LTN1: variants seen among roughly 807,000 people sequenced by gnomAD.
LTN1 encodes listerin E3 ubiquitin protein ligase 1, also known as E3 ubiquitin-protein ligase listerin.
A neutral mutation model predicts 201.2 loss-of-function variants in LTN1; 88 were observed. The ratio of observed to expected loss-of-function variants is 0.44; its 90% confidence interval spans 0.37 to 0.52. The LOEUF (loss-of-function observed/expected upper bound fraction) is 0.52, where lower values mean the gene tolerates loss of function less well. LTN1 is among the 20% of genes least tolerant of loss of function. LTN1 has a pLI of 0.00. For missense variants in LTN1, 1,752 were observed against 2,038.7 expected (o/e 0.86, Z 2.71); for synonymous variants, 645 against 713.5 (o/e 0.90, Z 1.53).
chr21:28,984,836 T>C lies in LTN1; in HGVS notation c.432A>G (p.Leu144=). 6.2e-7 allele frequency: 1 copy of C among 1,614,160 alleles called. No homozygotes were observed. Among genetic ancestry groups the C allele is most frequent in the African/African-American group, 1.3e-5 (1 of 75,054 alleles). ...TTAGCCAATATCCCATTAAACTTTT[T>C]AAGTAGGGAGCCAACTGTTTCTTTA... ...LKVKKQLAPY[L]KSLMGYWLMA... Residue 144 remains leucine, a synonymous_variant, in exon 4 of 30, where the codon TTA becomes TTG. Transcript: ENST00000361371.
intron 13 of LTN1, among the ~76,000 whole-genome samples, chr21:28,958,877 G>C (rs2084449340): frequency 6.6e-6 from 1 of 151,712 alleles, no homozygotes. Context: ...ATTTAAGAAA[G>C]GGTTGGTAGC....
In LTN1 at chr21:28,957,324, C is replaced by A. The variant is rs2146286403; in HGVS notation, c.2892+8G>T. 6.4e-7 allele frequency: 1 copy of A among 1,572,514 alleles called. No individual in the cohort carries two copies. The highest frequency in any genetic ancestry group is 8.6e-7 in the Non-Finnish European group (1 of 1,165,798). On this transcript the variant is annotated splice_region_variant and intron_variant, in intron 15 of 29. Transcript: ENST00000361371. Reference sequence around the variant, plus strand: ...AATGAGATATGTACTCTTCAATTTCCAAAATACCTGCATAGGAAGAGACTG... The same window carrying A: ...AATGAGATATGTACTCTTCAATTTCAAAAATACCTGCATAGGAAGAGACTG...
At position 28,936,627 on chromosome 21, in the gene LTN1, C is replaced by G. The variant is rs752869314; in HGVS notation, c.4553G>C (p.Arg1518Thr). The G allele has an allele frequency of 6.2e-7, 1 of 1,613,976 alleles. No individual in the cohort carries two copies. Among genetic ancestry groups the G allele is most frequent in the Non-Finnish European group, 8.5e-7 (1 of 1,179,914 alleles). The change falls in exon 26 of 30, where the codon AGG becomes ACG. Residue 1518 changes from arginine to threonine, a missense_variant. By Grantham distance (71) the Arg-to-Thr change is moderately conservative. Transcript: ENST00000361371. ...ATAGGTTGGATTTTCTGGCATAAGC[C>G]TGAACAGGTGATAGAGCAATTTATT... is the stretch of plus-strand genomic sequence containing the variant. ...SLNKLLYHLFRLMPENPTYAE... is the reference protein window; with the variant it reads ...SLNKLLYHLFTLMPENPTYAE...
chr21:28,966,673 AT>A lies in LTN1; in HGVS notation c.1817del (p.Asn606MetfsTer9). On this transcript the variant is annotated frameshift_variant, in exon 10 of 30. Transcript: ENST00000361371. LOFTEE classifies it high-confidence loss of function. ...KLADISINYV[N>X]ERKSEQHLRF... Reference sequence around the variant, plus strand: ...TTAGATGTTGCTCTGACTTTCGTTCATTGACATAATTAATACTTATATCTGC... The same window carrying A: ...TTAGATGTTGCTCTGACTTTCGTTCATGACATAATTAATACTTATATCTGC... 1 of 1,614,042 alleles carries A rather than the reference AT, an allele frequency of 6.2e-7. No homozygotes were observed. The highest frequency in any genetic ancestry group is 8.5e-7 in the Non-Finnish European group (1 of 1,180,006).
At chr21:28,964,583 T>C (rs1323236842) in intron 11 of LTN1, 2 of 1,534,310 alleles carry the variant, frequency 1.3e-6, no homozygotes, top group Admixed American at 4.0e-5. Context: ...TTACGATGTC[T>C]CTGAGATATG....
chr21:28,939,914 G>C (rs1415224822), intron 25 of LTN1, among the ~76,000 whole-genome samples: 1 of 152,172 alleles, frequency 6.6e-6, no homozygotes, highest in African/African-American at 2.4e-5. Context: ...CTATTTAACA[G>C]CTAGATCAAT....
intron 12 of LTN1, 78 bp downstream of exon 12, chr21:28,960,439 A>C: frequency 8.7e-7 from 1 of 1,148,872 alleles, no homozygotes; most frequent in Non-Finnish European, 1.2e-6. Context: ...ATAACACATA[A>C]GCTGAGCCCC....
At chr21:28,932,795 G>T in intron 27 of LTN1, 131 bp from the exon 28 acceptor site, 1 of 591,588 alleles carries the variant, frequency 1.7e-6, no homozygotes, top group Non-Finnish European at 2.9e-6. Context: ...TCACTTATCT[G>T]ACATGAGATA....
At chr21:28,935,648 G>A (rs888223787) in intron 26 of LTN1, among the ~76,000 whole-genome samples, 2 of 152,046 alleles carry the variant, frequency 1.3e-5, no homozygotes, top group Non-Finnish European at 2.9e-5. Flanking sequence ...AGACCATCCT[G>A]GCTAAAACGG....
chr21:28,980,275 C>A (rs564099179), intron 6 of LTN1, among the ~76,000 whole-genome samples: 2 of 150,926 alleles, frequency 1.3e-5, no homozygotes, highest in Non-Finnish European at 2.9e-5. Context: ...GAGTTAGATA[C>A]GCTTTATCCA....
At chr21:28,987,418 C>T (rs1489124170) in intron 1 of LTN1, among the ~76,000 whole-genome samples, 2 of 152,086 alleles carry the variant, frequency 1.3e-5, no homozygotes, top group Non-Finnish European at 2.9e-5. Context: ...ATTAAATGAA[C>T]AAATATTTAT....
Position 28,969,499 on chromosome 21 carries a change from C to T in LTN1, c.1278G>A (p.Glu426=). The T allele has an allele frequency of 6.2e-7, 1 of 1,612,810 alleles. No individual in the cohort carries two copies. The highest frequency in any genetic ancestry group is 8.5e-7 in the Non-Finnish European group (1 of 1,179,696). ...LRFIMQQNLG[E]EEIEQMLVND... is the part of the protein sequence containing the mutation. ...TGACGAGCATCTGTTCAATCTCTTC[C>T]TCACCTAAGTTTTGCTGCATTATAA... The change falls in exon 9 of 30, where the codon GAG becomes GAA. Residue 426 remains glutamate (E), a synonymous_variant. Transcript: ENST00000361371.
rs2084699782 is a variant in LTN1 at position 28,986,507 on chromosome 21, A to G, written c.246+224T>C. On this transcript the variant is annotated intron_variant, in intron 2 of 29. Transcript: ENST00000361371. The surrounding 1 kb of genome is among the most constrained non-coding windows in gnomAD (Gnocchi z 4.1). ...CATTCCCTAATGGGAAAAACTATACAGCCAAAATTCCAAAGCACTTTAAAA... is the reference window on the plus strand; with the variant it reads ...CATTCCCTAATGGGAAAAACTATACGGCCAAAATTCCAAAGCACTTTAAAA... 1.5e-6 allele frequency: 1 copy of G among 656,322 alleles called. No homozygotes were observed. Among genetic ancestry groups the G allele is most frequent in the South Asian group, 1.7e-5 (1 of 59,208 alleles). 40.7% of individuals were successfully genotyped at this position (656,322 alleles called of 1,614,324 possible).
chr21:28,956,379 T>C (rs967746842), intron 16 of LTN1, among the ~76,000 whole-genome samples: 1 of 152,184 alleles, frequency 6.6e-6, no homozygotes, highest in Non-Finnish European at 1.5e-5. Context: ...ATGTACCCCA[T>C]AAATATGTAA....
At chr21:28,947,151 C>T (rs2084344028) in intron 19 of LTN1, among the ~76,000 whole-genome samples, 1 of 152,158 alleles carries the variant, frequency 6.6e-6, no homozygotes, top group African/African-American at 2.4e-5. Context: ...TTAAATACAA[C>T]AGACGCTATT....
chr21:28,935,509 A>C (rs1234646553), intron 26 of LTN1, among the ~76,000 whole-genome samples, 180 bp from the exon 27 acceptor site: 1 of 152,194 alleles, frequency 6.6e-6, no homozygotes, highest in East Asian at 1.9e-4. Context: ...CCACACATTC[A>C]AAATGAACCA....
At chr21:28,984,511 A>T (rs949788606) in intron 4 of LTN1, among the ~76,000 whole-genome samples, 181 bp downstream of exon 4, 2 of 152,196 alleles carry the variant, frequency 1.3e-5, no homozygotes, top group African/African-American at 2.4e-5. Context: ...CCAAAATGTT[A>T]ATCTTGTTAA....
chr21:28,980,485 T>C (rs1022248510), intron 6 of LTN1, among the ~76,000 whole-genome samples: 9 of 150,558 alleles, frequency 6.0e-5, no homozygotes, highest in African/African-American at 2.2e-4. Context: ...ATGGCACATG[T>C]ATACATATGT....
chr21:28,968,856 C>T (rs1422424147), intron 9 of LTN1, among the ~76,000 whole-genome samples: 2 of 151,772 alleles, frequency 1.3e-5, no homozygotes, highest in Non-Finnish European at 2.9e-5. Context: ...ATCCACCCAC[C>T]TCGGCCTTCC....
Sources: allele counts gnomAD v4.1 joint callset (sites outside exome capture counted in the v4.1 genomes callset), GRCh38; gene constraint gnomAD v4.1.1; non-coding constraint Gnocchi (gnomAD v3.1); transcripts MANE v1.5; gene names NCBI Gene and HGNC (gene_info 2026-07-23, HGNC 2026-07-21).